Variants in MGAT5B observed in about 807,000 individuals in gnomAD.
MGAT5B encodes alpha-1,6-mannosylglycoprotein 6-beta-N-acetylglucosaminyltransferase B.
In MGAT5B, 54 loss-of-function variants were observed where a neutral mutation model predicts 95.1. That is an observed-to-expected ratio of 0.57 (90% CI 0.46 to 0.71). The LOEUF (loss-of-function observed/expected upper bound fraction) is 0.71. MGAT5B is among the 30% of genes least tolerant of loss of function. The probability of loss-of-function intolerance (pLI) is 0.00; values close to 1 mark genes in which losing one functional copy is unlikely to be tolerated. For synonymous variants in MGAT5B, 464 were observed against 451.0 expected (o/e 1.03, Z -0.36); for missense variants, 935 against 1,088.6 (o/e 0.86, Z 1.99).
At chr17:76,934,630 C>T (rs1969596256) in intron 12 of MGAT5B, among the ~76,000 whole-genome samples, 1 of 152,138 alleles carries the variant, frequency 6.6e-6, no homozygotes, top group Admixed American at 6.5e-5. Flanking sequence ...TCGTGGAACA[C>T]ACAGGGTCTA....
Position 76,915,577 on chromosome 17 carries a change from G to A in MGAT5B, c.1026-9389G>A, listed in dbSNP as rs935489632. Among the ~76,000 whole-genome samples the A allele has an allele frequency of 2.6e-5, 4 of 152,192 alleles. No homozygotes were observed. The highest frequency in any genetic ancestry group is 2.9e-5 in the Non-Finnish European group (2 of 68,042). On this transcript the variant is annotated intron_variant, in intron 8 of 17. Coordinates refer to ENST00000569840, the MANE Select transcript of MGAT5B (RefSeq NM_001199172.2). The surrounding 1 kb of genome is among the most constrained non-coding windows in gnomAD (Gnocchi z 8.7). ...AAGGCTTGATGAGGCTGGGAAGTGG[G>A]CGCATTGGAGCATTATATGATTTTC...
intron 12 of MGAT5B, among the ~76,000 whole-genome samples, chr17:76,935,755 T>G (rs983839108): frequency 6.2e-5 from 9 of 146,116 alleles, no homozygotes; most frequent in Non-Finnish European, 1.3e-4. Flanking sequence ...TATAAATATT[T>G]TCTTCTAGTC....
At chr17:76,911,345 G>A (rs145182974) in intron 8 of MGAT5B, among the ~76,000 whole-genome samples, 22 of 152,322 alleles carry the variant, frequency 1.4e-4, no homozygotes, top group African/African-American at 5.3e-4. Context: ...AGTCCTGGGG[G>A]ATGGGATTGA....
In MGAT5B at chr17:76,906,373, G is replaced by A. The variant is rs79339777; in HGVS notation, c.1025+186G>A. Among the ~76,000 whole-genome samples the A allele has an allele frequency of 9.0e-3, 1,366 of 152,306 alleles. 14 individuals are homozygous for A. The highest frequency in any genetic ancestry group is 0.032 in the East Asian group (166 of 5,178). ...ACTCCTAATCCCCCTCCTCCTGCCC[G>A]GTCTTGGGGGATGTGGCAGGGAAGT... On this transcript the variant is annotated intron_variant, in intron 8 of 17. Transcript: ENST00000569840. This position sits in a 1 kb window ranked among gnomAD's most constrained non-coding sequence, Gnocchi z 4.6.
chr17:76,895,823 A>G (rs529832300), intron 3 of MGAT5B, among the ~76,000 whole-genome samples: 3 of 152,290 alleles, frequency 2.0e-5, no homozygotes, highest in Admixed American at 6.5e-5. Context: ...GCATCATTTA[A>G]CCCATGGCAA....
chr17:76,871,071 C>T (rs1966993759), intron 1 of MGAT5B, among the ~76,000 whole-genome samples: 1 of 152,142 alleles, frequency 6.6e-6, no homozygotes, highest in Admixed American at 6.5e-5. Context: ...TGGATCCTGG[C>T]AGGCAGCCCA....
chr17:76,926,972 C>T (rs58614927), intron 10 of MGAT5B, among the ~76,000 whole-genome samples: 33,639 of 152,026 alleles, frequency 0.22, 3,792 homozygotes, highest in East Asian at 0.27. Context: ...GTGACCTCCC[C>T]GACTCCAGCA....
At chr17:76,903,473 T>C in intron 5 of MGAT5B, 97 bp downstream of exon 5, 1 of 894,220 alleles carries the variant, frequency 1.1e-6, no homozygotes, top group Non-Finnish European at 1.7e-6. Context: ...GAGGCCAACC[T>C]CAGGGAAACA....
At chr17:76,932,598 C>T in intron 10 of MGAT5B, 47 bp from the exon 11 acceptor site, 1 of 1,610,314 alleles carries the variant, frequency 6.2e-7, no homozygotes, top group Non-Finnish European at 8.5e-7. Flanking sequence ...CTGGGGCTGC[C>T]CTTGGTTGTT....
At chr17:76,939,856 T>TC (rs11446701) in intron 13 of MGAT5B, among the ~76,000 whole-genome samples, 94,998 of 152,036 alleles carry the variant, frequency 0.62, 30,120 homozygotes, top group African/African-American at 0.69. Flanking sequence ...ATGATTTTGT[T>TC]TTTTTTTATG....
Position 76,916,981 on chromosome 17 carries a change from G to A in MGAT5B, c.1026-7985G>A, listed in dbSNP as rs556126076. Among the ~76,000 whole-genome samples, 29 of 152,218 alleles carry A rather than the reference G, an allele frequency of 1.9e-4. No homozygotes were observed. The highest frequency in any genetic ancestry group is 3.5e-4 in the Non-Finnish European group (24 of 68,008). ...GGGGCTTTTTATTCTGGGTGAAGCCGGCAGAAGCACAGGGTGGTACGAATA... is the reference window on the plus strand; with the variant it reads ...GGGGCTTTTTATTCTGGGTGAAGCCAGCAGAAGCACAGGGTGGTACGAATA... On this transcript the variant is annotated intron_variant, in intron 8 of 17. Coordinates refer to ENST00000569840, the MANE Select transcript of MGAT5B (RefSeq NM_001199172.2). This position sits in a 1 kb window ranked among gnomAD's most constrained non-coding sequence, Gnocchi z 5.3.
intron 12 of MGAT5B, among the ~76,000 whole-genome samples, chr17:76,936,826 C>T (rs1333190919): frequency 2.6e-5 from 4 of 152,196 alleles, no homozygotes; most frequent in African/African-American, 7.2e-5. Flanking sequence ...CAATACCACA[C>T]TATCTGGATT....
rs202181824 is a variant in MGAT5B, at chr17:76,902,566, G to T, written c.341G>T (p.Gly114Val). 5 of 1,593,184 alleles carry T rather than the reference G, an allele frequency of 3.1e-6. No homozygotes were observed. The South Asian group carries it at 3.4e-5, about 11-fold the overall frequency. Residue 114 changes from glycine (G) to valine (V), a missense_variant, in exon 4 of 18, where the codon GGG (glycine) becomes GTG (valine). Transcript: ENST00000569840. ...LHFPADRMPP[G>V]AGLMERIQAI... ...CTTTTCCCACTTAGGATGCCCCCTG[G>T]GGCCGGCCTCATGGAGCGGATCCAG...
At position 76,869,129 on chromosome 17, in the gene MGAT5B, AG is replaced by A. The variant is rs778090581; in HGVS notation, c.68+38del. 6.3e-7 allele frequency: 1 copy of A among 1,599,894 alleles called. No individual in the cohort carries two copies. Among genetic ancestry groups the A allele is most frequent in the South Asian group, 1.1e-5 (1 of 90,760 alleles). On this transcript the variant is annotated intron_variant, in intron 1 of 17. Coordinates refer to ENST00000569840, the MANE Select transcript of MGAT5B (RefSeq NM_001199172.2). This position sits in a 1 kb window ranked among gnomAD's most constrained non-coding sequence, Gnocchi z 7.0. The stretch of plus-strand genomic sequence containing the variant: ...TTCCCTCCTGGTTGGTTTTTTCCCC[AG>A]GGGGGCGCCGGGTGGAGGTGGGCGA...
intron 15 of MGAT5B, among the ~76,000 whole-genome samples, chr17:76,943,038 C>CCCCA (rs754402318): frequency 4.2e-5 from 3 of 70,682 alleles, no homozygotes; most frequent in African/African-American, 1.5e-4. Flanking sequence ...TAACTTGCCC[C>CCCCA]CCCGGGAGGC....
rs184086322 is a variant in MGAT5B at position 76,915,859 on chromosome 17, G to A, written c.1026-9107G>A. Among the ~76,000 whole-genome samples the A allele has an allele frequency of 9.2e-5, 14 of 152,190 alleles. No homozygotes were observed. Among genetic ancestry groups the A allele is most frequent in the South Asian group, 4.1e-4 (2 of 4,824 alleles). ...TTAACCTCCTGGCTGAGCGGGGAGC[G>A]AGCGCAGGAGCACACATCCCAGCGG... On this transcript the variant is annotated intron_variant, in intron 8 of 17. Transcript: ENST00000569840. The surrounding 1 kb of genome is among the most constrained non-coding windows in gnomAD (Gnocchi z 8.7).
chr17:76,897,659 CACTTTCTTTCTTTCTTTCTT>C (rs552528177), intron 3 of MGAT5B, among the ~76,000 whole-genome samples: 5,109 of 108,780 alleles, frequency 0.047, 210 homozygotes, highest in African/African-American at 0.078. Context: ...CAAGTAAGGC[CACTTTCTTTCTTTCTTTCTT>C]TCTTTCTTTC....
chr17:76,946,820 C>T (rs1795348609), intron 16 of MGAT5B, among the ~76,000 whole-genome samples: 1 of 152,224 alleles, frequency 6.6e-6, no homozygotes, highest in African/African-American at 2.4e-5. Context: ...CGCCCACCTG[C>T]TAAGGATGGC....
intron 6 of MGAT5B, among the ~76,000 whole-genome samples, chr17:76,904,818 G>T (rs949280404): frequency 1.3e-5 from 2 of 152,204 alleles, no homozygotes; most frequent in Non-Finnish European, 2.9e-5. Flanking sequence ...TAATGGGTTC[G>T]AGGCGCATAG....
Sources: allele counts gnomAD v4.1 joint callset (sites outside exome capture counted in the v4.1 genomes callset), GRCh38; gene constraint gnomAD v4.1.1; non-coding constraint Gnocchi (gnomAD v3.1); transcripts MANE v1.5; gene names NCBI Gene and HGNC (gene_info 2026-07-23, HGNC 2026-07-21).